THSD7A: variants seen among roughly 807,000 people sequenced by gnomAD.
THSD7A encodes the protein thrombospondin type 1 domain containing 7A.
Under a neutral mutation model 231.3 loss-of-function variants are expected in THSD7A, and 96 were observed. That is an observed-to-expected ratio of 0.41 (90% confidence interval 0.35 to 0.49). The LOEUF is 0.49. Ranked by LOEUF, THSD7A falls within the 20% of genes least tolerant of loss-of-function variation. The pLI, the probability that THSD7A is intolerant of heterozygous loss-of-function variation, is 0.05. For synonymous variants in THSD7A, 940 were observed against 743.3 expected, an observed-to-expected ratio of 1.26 and a Z score of -4.30; for missense variants, 2,290 against 2,070.2, an observed-to-expected ratio of 1.11 and a Z score of -2.06.
At chr7:11,657,688 A>C (rs762022493) in intron 1 of THSD7A, among the ~76,000 whole-genome samples, 12 of 151,836 alleles carry the variant, frequency 7.9e-5, no homozygotes, top group Non-Finnish European at 1.5e-4. Flanking sequence ...TTTCTCTACG[A>C]GTTTAAACCA....
intron 1 of THSD7A, among the ~76,000 whole-genome samples, chr7:11,779,528 C>T (rs771287836): frequency 6.6e-6 from 1 of 152,190 alleles, no homozygotes; most frequent in Non-Finnish European, 1.5e-5. Flanking sequence ...TGCTGTCTTA[C>T]TCAAGGGCAT....
intron 6 of THSD7A, among the ~76,000 whole-genome samples, chr7:11,515,300 C>T (rs1288389964): frequency 1.3e-5 from 2 of 152,066 alleles, no homozygotes; most frequent in African/African-American, 2.4e-5. Context: ...TTCACAGCTT[C>T]AACAAGTTTG....
chr7:11,639,736 A>C (rs772302765), intron 1 of THSD7A, among the ~76,000 whole-genome samples: 1 of 152,180 alleles, frequency 6.6e-6, no homozygotes, highest in Non-Finnish European at 1.5e-5. Flanking sequence ...TTAATGTTTT[A>C]TTATAGAAAT....
At chr7:11,650,183 A>G (rs1423587810) in intron 1 of THSD7A, among the ~76,000 whole-genome samples, 2 of 152,050 alleles carry the variant, frequency 1.3e-5, no homozygotes, top group Non-Finnish European at 2.9e-5. Context: ...TGGGGCCAAC[A>G]TATGGTTAAG....
At chr7:11,433,436 C>G (rs1221028912) in intron 13 of THSD7A, among the ~76,000 whole-genome samples, 2 of 151,926 alleles carry the variant, frequency 1.3e-5, no homozygotes, top group African/African-American at 2.4e-5. Context: ...TTAAAAGTAT[C>G]TAAAGTCATT....
chr7:11,786,632 G>A (rs150930012), intron 1 of THSD7A, among the ~76,000 whole-genome samples: 5 of 143,874 alleles, frequency 3.5e-5, no homozygotes, highest in Middle Eastern at 3.5e-3. Context: ...ACTTCTTAAC[G>A]GAATAATAAA....
intron 1 of THSD7A, among the ~76,000 whole-genome samples, chr7:11,654,955 A>G (rs1041644575): frequency 1.3e-5 from 2 of 151,930 alleles, no homozygotes; most frequent in African/African-American, 4.8e-5. Flanking sequence ...AGGAAATTGT[A>G]AAATTTAAAC....
intron 13 of THSD7A, among the ~76,000 whole-genome samples, chr7:11,439,621 A>G (rs1216253255): frequency 2.0e-5 from 3 of 152,044 alleles, no homozygotes; most frequent in Non-Finnish European, 4.4e-5. Flanking sequence ...TGATGTGCAC[A>G]AAGTTTTAGC....
At chr7:11,591,101 G>A (rs1055826313) in intron 3 of THSD7A, among the ~76,000 whole-genome samples, 3 of 151,590 alleles carry the variant, frequency 2.0e-5, no homozygotes, top group Non-Finnish European at 4.4e-5. Flanking sequence ...TGTATATTAG[G>A]GTTAAAAATT....
At chr7:11,426,697 T>C (rs1420998924) in intron 14 of THSD7A, 26 bp from the exon 15 acceptor site, 2 of 1,557,356 alleles carry the variant, frequency 1.3e-6, no homozygotes, top group East Asian at 4.6e-5. Context: ...ACAGGAATGA[T>C]GAAAAGGGAG....
intron 2 of THSD7A, among the ~76,000 whole-genome samples, chr7:11,614,518 T>C (rs1017008628): frequency 8.5e-5 from 13 of 152,180 alleles, no homozygotes; most frequent in Admixed American, 2.6e-4. Flanking sequence ...AAGGCGGATC[T>C]ACAAGCTCAA....
At chr7:11,525,720 C>A (rs10264558) in intron 6 of THSD7A, among the ~76,000 whole-genome samples, 32,308 of 151,942 alleles carry the variant, frequency 0.21, 5,051 homozygotes, top group African/African-American at 0.44. Flanking sequence ...GATGCTACAA[C>A]ATAAAGAAAA....
chr7:11,382,729 T>C (rs1782568102), intron 23 of THSD7A, 113 bp from the exon 24 acceptor site: 2 of 837,650 alleles, frequency 2.4e-6, no homozygotes, highest in South Asian at 1.6e-5. Context: ...TCTCTGATGA[T>C]TCAAATGTCA....
chr7:11,521,581 G>T (rs1296287361), intron 6 of THSD7A, among the ~76,000 whole-genome samples: 1 of 142,274 alleles, frequency 7.0e-6, no homozygotes, highest in Non-Finnish European at 1.5e-5. Flanking sequence ...ATGCTGGTGC[G>T]CTGCACCCAC....
intron 1 of THSD7A, among the ~76,000 whole-genome samples, chr7:11,678,703 T>G (rs575221709): frequency 6.6e-6 from 1 of 152,174 alleles, no homozygotes; most frequent in African/African-American, 2.4e-5. Flanking sequence ...GTGTAGTAAT[T>G]AATAGCCTAC....
At chr7:11,442,493 A>C (rs1269193646) in intron 13 of THSD7A, among the ~76,000 whole-genome samples, 1 of 152,044 alleles carries the variant, frequency 6.6e-6, no homozygotes, top group Non-Finnish European at 1.5e-5. Flanking sequence ...TTTGTCTTTA[A>C]ATTGAAAGCT....
chr7:11,480,111 AC>A (rs1786361800), intron 7 of THSD7A, among the ~76,000 whole-genome samples: 1 of 152,212 alleles, frequency 6.6e-6, no homozygotes, highest in African/African-American at 2.4e-5. Flanking sequence ...TACTATATAA[AC>A]ATCTATAACT....
chr7:11,433,515 T>A (rs1419769008), intron 13 of THSD7A, among the ~76,000 whole-genome samples: 2 of 152,010 alleles, frequency 1.3e-5, no homozygotes, highest in South Asian at 4.1e-4. Flanking sequence ...TTAAGAACCA[T>A]CCAAATCATT....
intron 1 of THSD7A, among the ~76,000 whole-genome samples, chr7:11,652,275 C>A (rs939172787): frequency 6.6e-6 from 1 of 151,826 alleles, no homozygotes; most frequent in Non-Finnish European, 1.5e-5. Flanking sequence ...CAATTGTTTC[C>A]TTTCTGGCAC....
Sources: gnomAD v4.1 joint callset for allele counts (sites outside exome capture counted in the v4.1 genomes callset) on GRCh38, gnomAD v4.1.1 for gene constraint, MANE v1.5 for transcripts, NCBI Gene and HGNC (gene_info 2026-07-23, HGNC 2026-07-21) for gene names.